RABGAP1: variants seen among roughly 807,000 people sequenced by gnomAD.
The protein encoded by RABGAP1 is RAB GTPase activating protein 1, also known as rab GTPase-activating protein 1.
RABGAP1 carries 23 observed loss-of-function variants against 137.6 expected under a neutral mutation model. The observed-to-expected ratio is 0.17, with a 90% CI of 0.12 to 0.24. The LOEUF (loss-of-function observed/expected upper bound fraction) is 0.24, where lower values mean the gene tolerates loss of function less well. RABGAP1 is among the 10% of genes least tolerant of loss of function. RABGAP1 has a pLI of 1.00. For missense variants in RABGAP1, 906 were observed against 1,275.8 expected, an observed-to-expected ratio of 0.71 and a Z score of 4.42; for synonymous variants, 451 against 450.7, an observed-to-expected ratio of 1.00 and a Z score of -0.01.
At chr9:123,018,086 C>T (rs1243821508) in intron 12 of RABGAP1, among the ~76,000 whole-genome samples, 4 of 152,138 alleles carry the variant, frequency 2.6e-5, no homozygotes, top group Non-Finnish European at 4.4e-5. Flanking sequence ...CTCTGCCCCC[C>T]GGGGTTCATG....
At chr9:123,063,851 T>C (rs2034069692) in intron 13 of RABGAP1, among the ~76,000 whole-genome samples, 1 of 152,214 alleles carries the variant, frequency 6.6e-6, no homozygotes, top group African/African-American at 2.4e-5. Flanking sequence ...TTAAACAGTT[T>C]TTTGAATAGT....
At chr9:123,061,428 A>G (rs1050059172) in intron 13 of RABGAP1, among the ~76,000 whole-genome samples, 13 of 152,210 alleles carry the variant, frequency 8.5e-5, no homozygotes, top group Non-Finnish European at 1.9e-4. Context: ...GCTTGCTTTT[A>G]TAAATAAAGT....
At chr9:123,013,100 T>C (rs953920063) in intron 11 of RABGAP1, among the ~76,000 whole-genome samples, 4 of 152,178 alleles carry the variant, frequency 2.6e-5, no homozygotes, top group Admixed American at 2.6e-4. Flanking sequence ...CCCAGATTTA[T>C]TGAAAGTATC....
At chr9:123,017,102 CAAT>C (rs1361664061) in intron 12 of RABGAP1, among the ~76,000 whole-genome samples, 1 of 152,152 alleles carries the variant, frequency 6.6e-6, no homozygotes, top group Non-Finnish European at 1.5e-5. Context: ...GCTCTTGTCA[CAAT>C]AATATTTTCA....
intron 13 of RABGAP1, among the ~76,000 whole-genome samples, chr9:123,065,098 G>A (rs1269832675): frequency 6.6e-6 from 1 of 152,190 alleles, no homozygotes; most frequent in African/African-American, 2.4e-5. Context: ...GTTCTTTGCA[G>A]TAAGGATGGA....
chr9:123,047,607 CTTA>C (rs2033262969), intron 13 of RABGAP1, among the ~76,000 whole-genome samples: 1 of 152,034 alleles, frequency 6.6e-6, no homozygotes, highest in Admixed American at 6.6e-5. Context: ...TTTTTTGATA[CTTA>C]TTAAGATTCT....
intron 12 of RABGAP1, among the ~76,000 whole-genome samples, chr9:123,015,853 A>G (rs1477051379): frequency 6.6e-6 from 1 of 152,220 alleles, no homozygotes; most frequent in Non-Finnish European, 1.5e-5. Context: ...GCTGGAGAAA[A>G]TATTTATCCA....
At chr9:123,099,607 T>A in intron 24 of RABGAP1, 58 bp downstream of exon 24, 1 of 1,481,438 alleles carries the variant, frequency 6.8e-7, no homozygotes. Context: ...TATGGCTGTA[T>A]AAACAGGTTT....
chr9:123,034,987 G>A (rs759954626), intron 13 of RABGAP1: 5 of 1,613,820 alleles, frequency 3.1e-6, no homozygotes, highest in South Asian at 1.1e-5. Flanking sequence ...TAATACTCTG[G>A]TTACACCCTG....
intron 13 of RABGAP1, chr9:123,034,818 C>G (rs2032526590): frequency 6.2e-7 from 1 of 1,613,916 alleles, no homozygotes; most frequent in Non-Finnish European, 8.5e-7. Context: ...GCTGCGTGGT[C>G]CCTTCTTTAT....
rs551408637 is a variant in RABGAP1 at position 123,099,935 on chromosome 9, G to A, written c.2889+386G>A. On this transcript the variant is annotated intron_variant, in intron 24 of 25. Transcript: ENST00000373647. ...TTGTCACTTTCCAGTGTTGTTCTGA[G>A]TTCATGCCTTCTGCTGTAACACATC... Among the ~76,000 whole-genome samples the A allele has an allele frequency of 6.6e-5, 10 of 152,282 alleles. No individual in the cohort carries two copies. The East Asian group carries it at 1.9e-3, about 29-fold the overall frequency.
chr9:122,942,804 A>T (rs1833675649), intron 1 of RABGAP1, among the ~76,000 whole-genome samples: 2 of 152,100 alleles, frequency 1.3e-5, no homozygotes, highest in African/African-American at 4.8e-5. Context: ...AACATTTAAA[A>T]TTCATATGTA....
chr9:122,958,638 A>G (rs1490858946), intron 2 of RABGAP1, among the ~76,000 whole-genome samples: 2 of 152,122 alleles, frequency 1.3e-5, no homozygotes, highest in African/African-American at 2.4e-5. Context: ...ACATGTATAC[A>G]TATGTAACAA....
the RABGAP1 span, among the ~76,000 whole-genome samples, chr9:122,932,913 T>C: frequency 2.6e-5 from 4 of 152,274 alleles, no homozygotes; most frequent in Non-Finnish European, 4.4e-5. Context: ...CCTTCTGTTA[T>C]TAATTTATAA....
At chr9:122,976,851 C>T (rs755518322) in intron 2 of RABGAP1, among the ~76,000 whole-genome samples, 14 of 152,096 alleles carry the variant, frequency 9.2e-5, no homozygotes, top group African/African-American at 1.4e-4. Flanking sequence ...CTATCTAGAA[C>T]GGTTAAGATC....
intron 1 of RABGAP1, among the ~76,000 whole-genome samples, chr9:122,947,834 C>G (rs1834021862): frequency 6.6e-6 from 1 of 151,972 alleles, no homozygotes; most frequent in Non-Finnish European, 1.5e-5. Flanking sequence ...TAAAATAATT[C>G]AAAGAAATAG....
At chr9:123,048,989 A>G (rs1280402228) in intron 13 of RABGAP1, among the ~76,000 whole-genome samples, 2 of 152,256 alleles carry the variant, frequency 1.3e-5, no homozygotes, top group Non-Finnish European at 2.9e-5. Context: ...AAGGCTGCAT[A>G]TCACATGGGA....
chr9:122,942,679 A>AAAAAAC (rs1554781076), intron 1 of RABGAP1, among the ~76,000 whole-genome samples: 1 of 151,132 alleles, frequency 6.6e-6, no homozygotes, highest in South Asian at 2.1e-4. Flanking sequence ...CAAAAAAAAA[A>AAAAAAC]AAAAAAAAAC....
At chr9:122,939,891 T>C (rs78768919), upstream of RABGAP1, 1 of 152,188 alleles carries the variant, frequency 6.6e-6, no homozygotes, top group Non-Finnish European at 1.5e-5. Flanking sequence ...CGGGATGCAT[T>C]ATCCACCAGA....
Sources: gnomAD v4.1 joint callset for allele counts (sites outside exome capture counted in the v4.1 genomes callset) on GRCh38, gnomAD v4.1.1 for gene constraint, MANE v1.5 for transcripts, NCBI Gene and HGNC (gene_info 2026-07-23, HGNC 2026-07-21) for gene names.